Variants in MAML2 observed in about 807,000 individuals in gnomAD.
MAML2 encodes the protein mastermind-like protein 2.
MAML2 carries 22 observed loss-of-function variants against 96.1 expected under a neutral mutation model. That is an observed-to-expected ratio of 0.23 (90% CI 0.16 to 0.33). The LOEUF is 0.33. Among genes scored for constraint, MAML2 ranks in the 10% least tolerant of loss-of-function variants. The pLI is 1.00. For synonymous variants in MAML2, 561 were observed against 521.3 expected (o/e 1.08, Z -1.04); for missense variants, 1,367 against 1,392.4 (o/e 0.98, Z 0.29).
intron 1 of MAML2, among the ~76,000 whole-genome samples, chr11:96,175,818 T>A (rs1007677265): frequency 2.6e-5 from 4 of 152,074 alleles, no homozygotes; most frequent in Non-Finnish European, 5.9e-5. Context: ...GTCAGGCTGG[T>A]CTTAAACTCC....
intron 1 of MAML2, among the ~76,000 whole-genome samples, chr11:96,130,547 G>A (rs892320321): frequency 6.6e-6 from 1 of 152,164 alleles, no homozygotes; most frequent in Non-Finnish European, 1.5e-5. Flanking sequence ...GAAAGATGAA[G>A]TAAAATCTAT....
In MAML2 at chr11:96,279,392, C is replaced by T. The variant is rs866997517; in HGVS notation, c.513+61991G>A. On this transcript the variant is annotated intron_variant, in intron 1 of 4. Coordinates refer to ENST00000524717, the MANE Select transcript of MAML2 (RefSeq NM_032427.4). ...AGTGGGTCATTTGCAGTATGCAGTGCATAAACTCACAGGCTGTCCTTATGA... is the reference window on the plus strand; with the variant it reads ...AGTGGGTCATTTGCAGTATGCAGTGTATAAACTCACAGGCTGTCCTTATGA... Among the ~76,000 whole-genome samples the T allele has an allele frequency of 7.9e-5, 12 of 152,326 alleles. No individual in the cohort carries two copies. In the South Asian group the frequency reaches 8.3e-4, roughly 11 times the overall value.
At chr11:96,183,485 C>A (rs1361547746) in intron 1 of MAML2, among the ~76,000 whole-genome samples, 1 of 150,404 alleles carries the variant, frequency 6.6e-6, no homozygotes, top group Non-Finnish European at 1.5e-5. Flanking sequence ...GCAGCCTTGA[C>A]CTCCTGGGCA....
chr11:96,150,781 G>A (rs964763711), intron 1 of MAML2, among the ~76,000 whole-genome samples: 1 of 151,912 alleles, frequency 6.6e-6, no homozygotes, highest in African/African-American at 2.4e-5. Context: ...ACCCTTGTAG[G>A]GCCACCATAC....
chr11:96,042,720 T>C (rs887480776), intron 2 of MAML2, among the ~76,000 whole-genome samples: 2 of 151,742 alleles, frequency 1.3e-5, no homozygotes, highest in African/African-American at 4.8e-5. Flanking sequence ...AGATGATGCT[T>C]GTTACCAACC....
At chr11:96,070,147 C>CG (rs1188486932) in intron 2 of MAML2, among the ~76,000 whole-genome samples, 2 of 150,836 alleles carry the variant, frequency 1.3e-5, no homozygotes, top group Non-Finnish European at 3.0e-5. Context: ...AAAAATTAGC[C>CG]GGCGTGGTGG....
At chr11:96,293,145 A>G (rs1438329746) in intron 1 of MAML2, among the ~76,000 whole-genome samples, 2 of 152,232 alleles carry the variant, frequency 1.3e-5, no homozygotes, top group African/African-American at 2.4e-5. Flanking sequence ...TCTCTTCGAA[A>G]GAATCACTAA....
chr11:96,220,836 G>GA (rs558428530), intron 1 of MAML2, among the ~76,000 whole-genome samples: 22 of 149,728 alleles, frequency 1.5e-4, no homozygotes, highest in Non-Finnish European at 1.9e-4. Context: ...TATAAAAAGT[G>GA]AAAAAAAAAG....
At position 95,991,523 on chromosome 11, in the gene MAML2, G is replaced by A. The variant is rs545502592; in HGVS notation, c.2340C>T (p.Asp780=). The part of the protein sequence containing the change: ...QLLLQQQMLA[D]AEKIAPQDQI... ...AGAAATTAAGAGAAAGTTTTACCGC[G>A]TCAGCCAGCATCTGCTGCTGGAGAA... Residue 780 remains aspartate, a synonymous_variant, in exon 3 of 5, where the codon GAC becomes GAT. Coordinates refer to ENST00000524717, the MANE Select transcript of MAML2 (RefSeq NM_032427.4). 2.0e-5 allele frequency: 32 copies of A among 1,613,444 alleles called. No homozygotes were observed. Among genetic ancestry groups the A allele is most frequent in the East Asian group, 1.3e-4 (6 of 44,882 alleles).
At position 96,092,155 on chromosome 11, in the gene MAML2, CTGAAAT is replaced by C; in HGVS notation, c.1870_1875del (p.Ile624_Ser625del). ...CTCTGCTGCTGTTGCTGTTGTTGAG[CTGAAAT>C]TGAACTCTGCTGTTGCTGTTGCTGT... On this transcript the variant is annotated inframe_deletion, in exon 2 of 5. Transcript: ENST00000524717. The surrounding 1 kb of genome is among the most constrained non-coding windows in gnomAD (Gnocchi z 4.1). 6.5e-7 allele frequency: 1 copy of C among 1,540,616 alleles called. No individual in the cohort carries two copies. The highest frequency in any genetic ancestry group is 8.7e-7 in the Non-Finnish European group (1 of 1,143,832).
intron 1 of MAML2, among the ~76,000 whole-genome samples, chr11:96,192,677 G>C (rs995610457): frequency 6.6e-6 from 1 of 152,224 alleles, no homozygotes; most frequent in Non-Finnish European, 1.5e-5. Flanking sequence ...TCCTTGGAAT[G>C]ACGCCTTCTA....
chr11:96,329,302 T>C (rs564733201), intron 1 of MAML2, among the ~76,000 whole-genome samples: 106 of 152,314 alleles, frequency 7.0e-4, no homozygotes, highest in Non-Finnish European at 1.2e-3. Context: ...GATGGAGTGA[T>C]TTGTTCATTA....
At position 96,149,928 on chromosome 11, in the gene MAML2, G is replaced by A. The variant is rs189269906; in HGVS notation, c.514-56411C>T. Among the ~76,000 whole-genome samples, 242 of 151,750 alleles carry A rather than the reference G, an allele frequency of 1.6e-3. 1 individual carries two copies. The highest frequency in any genetic ancestry group is 5.2e-3 in the African/African-American group (213 of 41,316). ...TCTCTCTGTCTTTATTTGATCCACC[G>A]CCATGTTCTTAACTGTCACCTCAAT... On this transcript the variant is annotated intron_variant, in intron 1 of 4. Coordinates refer to ENST00000524717, the MANE Select transcript of MAML2 (RefSeq NM_032427.4).
chr11:96,266,405 C>T (rs1862827861), intron 1 of MAML2, among the ~76,000 whole-genome samples: 1 of 151,964 alleles, frequency 6.6e-6, no homozygotes, highest in African/African-American at 2.4e-5. Context: ...CCCATCTCTA[C>T]TAAAAATACA....
intron 1 of MAML2, among the ~76,000 whole-genome samples, chr11:96,248,790 C>T (rs1250341319): frequency 6.6e-6 from 1 of 152,186 alleles, no homozygotes; most frequent in Non-Finnish European, 1.5e-5. Context: ...CTCCAATTCT[C>T]ATTTCATTTC....
intron 1 of MAML2, among the ~76,000 whole-genome samples, chr11:96,291,596 G>T (rs1197758630): frequency 6.6e-6 from 1 of 152,120 alleles, no homozygotes; most frequent in Non-Finnish European, 1.5e-5. Context: ...ATTTTCTCTT[G>T]TATTGGTATT....
chr11:96,092,177 C>A lies in MAML2; in HGVS notation c.1854G>T (p.Gln618His), dbSNP rs1315238143. The change falls in exon 2 of 5, where the codon CAG (glutamine) becomes CAT (histidine). Residue 618 changes from glutamine to histidine, a missense_variant. By Grantham distance (24) the Gln-to-His change is conservative. Transcript: ENST00000524717. This position sits in a 1 kb window ranked among gnomAD's most constrained non-coding sequence, Gnocchi z 4.1. Reference sequence around the variant, plus strand: ...GAGCTGAAATTGAACTCTGCTGTTGCTGTTGCTGTTGCTGTTGCTGCTGCT... The same window carrying A: ...GAGCTGAAATTGAACTCTGCTGTTGATGTTGCTGTTGCTGTTGCTGCTGCT... ...QQQQQQQQQQ[Q>H]QQQSSISAQQ... 6.5e-7 allele frequency: 1 copy of A among 1,540,228 alleles called. No homozygotes were observed. The highest frequency in any genetic ancestry group is 8.8e-7 in the Non-Finnish European group (1 of 1,141,844).
rs11604723 is a variant in MAML2 at position 96,274,373 on chromosome 11, C to T, written c.513+67010G>A. Reference sequence around the variant, plus strand: ...CTGGGAATACAGGCGTGAGCCACCGCACCTGGCCCCTACTTTTATAAAGGA... The same window carrying T: ...CTGGGAATACAGGCGTGAGCCACCGTACCTGGCCCCTACTTTTATAAAGGA... On this transcript the variant is annotated intron_variant, in intron 1 of 4. Transcript: ENST00000524717. 7.0e-3 allele frequency among the ~76,000 whole-genome samples: 1,072 copies of T among 152,224 alleles called. 13 individuals carry two copies. Among genetic ancestry groups the T allele is most frequent in the African/African-American group, 0.025 (1,019 of 41,514 alleles).
intron 1 of MAML2, among the ~76,000 whole-genome samples, chr11:96,336,410 GT>G (rs1410298345): frequency 6.6e-6 from 1 of 152,156 alleles, no homozygotes; most frequent in Non-Finnish European, 1.5e-5. Flanking sequence ...TATTGAAGTG[GT>G]TTTGCATACC....
Sources: gnomAD v4.1 joint callset for allele counts (sites outside exome capture counted in the v4.1 genomes callset) on GRCh38, gnomAD v4.1.1 for gene constraint, Gnocchi (gnomAD v3.1) non-coding constraint, MANE v1.5 for transcripts, NCBI Gene and HGNC (gene_info 2026-07-23, HGNC 2026-07-21) for gene names.